The following ZFHX3 variants were observed in gnomAD, a reference collection of about 807,000 sequenced individuals.
ZFHX3 encodes the protein zinc finger homeobox protein 3.
ZFHX3 carries 42 observed loss-of-function variants against 279.1 expected under a neutral mutation model. The ratio of observed to expected loss-of-function variants is 0.15; its 90% confidence interval spans 0.12 to 0.19. The LOEUF is 0.19. Ranked by LOEUF, ZFHX3 falls within the 10% of genes least tolerant of loss-of-function variation. The probability of loss-of-function intolerance (pLI) is 1.00; values close to 1 mark genes in which losing one functional copy is unlikely to be tolerated. For missense variants in ZFHX3, 4,981 were observed against 4,754.0 expected (o/e 1.05, Z -1.40); for synonymous variants, 2,293 against 1,957.8 (o/e 1.17, Z -4.52).
chr16:73,616,352 G>C (rs1455511544), intron 2 of ZFHX3, among the ~76,000 whole-genome samples: 2 of 147,016 alleles, frequency 1.4e-5, no homozygotes, highest in Admixed American at 6.9e-5. Context: ...ATTGGCTGAA[G>C]TCTGTGTCAA....
At chr16:73,222,648 A>G (rs1267061746) in intron 5 of ZFHX3, among the ~76,000 whole-genome samples, 1 of 152,116 alleles carries the variant, frequency 6.6e-6, no homozygotes, top group Non-Finnish European at 1.5e-5. Flanking sequence ...TCTTCCCAAC[A>G]TGATTTATAG....
At chr16:73,387,365 A>G (rs1192392939) in intron 3 of ZFHX3, 19 of 152,166 alleles carry the variant, frequency 1.2e-4, no homozygotes, top group Non-Finnish European at 1.3e-4. Flanking sequence ...AAAAATAACA[A>G]ATAATGTTCT....
At chr16:73,432,410 A>G (rs541900889) in intron 3 of ZFHX3, among the ~76,000 whole-genome samples, 116 of 152,098 alleles carry the variant, frequency 7.6e-4, no homozygotes, top group Admixed American at 3.1e-3. Context: ...TTGGAGTGAG[A>G]CTCTTTGACA....
At chr16:72,895,216 C>T (rs1330799034) in intron 3 of ZFHX3, among the ~76,000 whole-genome samples, 1 of 152,192 alleles carries the variant, frequency 6.6e-6, no homozygotes, top group Admixed American at 6.5e-5. Flanking sequence ...TCAGCAGCAA[C>T]TCTAAGAAAA....
At chr16:72,810,702 C>CA (rs1230602021) in intron 7 of ZFHX3, among the ~76,000 whole-genome samples, 1 of 152,122 alleles carries the variant, frequency 6.6e-6, no homozygotes, top group East Asian at 1.9e-4. Flanking sequence ...CAGCAATATC[C>CA]AGCTCACCAT....
intron 4 of ZFHX3, among the ~76,000 whole-genome samples, chr16:72,841,740 C>T (rs1446115755): frequency 6.6e-6 from 1 of 152,206 alleles, no homozygotes; most frequent in African/African-American, 2.4e-5. Flanking sequence ...AGGTGTTTCT[C>T]AGACCTAAGA....
At chr16:73,016,984 G>C (rs895231734) in intron 1 of ZFHX3, among the ~76,000 whole-genome samples, 31 of 152,090 alleles carry the variant, frequency 2.0e-4, no homozygotes, top group African/African-American at 6.5e-4. Flanking sequence ...CCAGCACTTT[G>C]GGAGGCCAAG....
intron 5 of ZFHX3, among the ~76,000 whole-genome samples, chr16:73,174,996 C>G (rs573843961): frequency 9.9e-5 from 15 of 151,874 alleles, no homozygotes; most frequent in Non-Finnish European, 2.1e-4. Context: ...CCACTGCACT[C>G]CAGCCTGGGT....
At chr16:73,684,632 C>G (rs2053059882) in intron 1 of ZFHX3, among the ~76,000 whole-genome samples, 1 of 151,738 alleles carries the variant, frequency 6.6e-6, no homozygotes, top group Non-Finnish European at 1.5e-5. Flanking sequence ...TGCAAATCAG[C>G]TGACCTCAAA....
intron 3 of ZFHX3, among the ~76,000 whole-genome samples, chr16:73,418,088 C>T (rs1198288729): frequency 6.6e-6 from 1 of 151,862 alleles, no homozygotes; most frequent in Non-Finnish European, 1.5e-5. Flanking sequence ...AGCAGCTGAC[C>T]ATTCCTTCTA....
chr16:73,611,678 C>A (rs1289068102), intron 2 of ZFHX3, among the ~76,000 whole-genome samples: 1 of 152,162 alleles, frequency 6.6e-6, no homozygotes, highest in Non-Finnish European at 1.5e-5. Flanking sequence ...CAAACAAAGT[C>A]AGGATTCTCA....
intron 3 of ZFHX3, among the ~76,000 whole-genome samples, chr16:73,391,292 G>A (rs1033208394): frequency 2.6e-5 from 4 of 152,110 alleles, no homozygotes; most frequent in Middle Eastern, 6.8e-3. Context: ...GTGAAACCCC[G>A]TGTCTACTAA....
intron 1 of ZFHX3, among the ~76,000 whole-genome samples, chr16:73,029,463 G>A (rs1476924756): frequency 6.6e-6 from 1 of 152,190 alleles, no homozygotes; most frequent in African/African-American, 2.4e-5. Context: ...CCTCAGGACT[G>A]GATATTTTAT....
At chr16:73,114,112 T>TG (rs770785347) in intron 7 of ZFHX3, among the ~76,000 whole-genome samples, 14 of 151,408 alleles carry the variant, frequency 9.2e-5, no homozygotes, top group Non-Finnish European at 1.9e-4. Context: ...TTTTAAGAGA[T>TG]GGGGGTCTCA....
chr16:72,888,521 C>T (rs1389597889), intron 4 of ZFHX3, among the ~76,000 whole-genome samples: 1 of 152,162 alleles, frequency 6.6e-6, no homozygotes, highest in Non-Finnish European at 1.5e-5. Context: ...GGCTGGGAGC[C>T]GAGGACCAGG....
At chr16:72,962,471 C>G (rs934710903) in intron 1 of ZFHX3, among the ~76,000 whole-genome samples, 3 of 152,194 alleles carry the variant, frequency 2.0e-5, no homozygotes, top group Middle Eastern at 3.2e-3. Context: ...TAGAGCCCAC[C>G]CATTCACGGG....
chr16:73,566,191 A>G (rs957945906), intron 2 of ZFHX3, among the ~76,000 whole-genome samples: 4 of 152,238 alleles, frequency 2.6e-5, no homozygotes, highest in Admixed American at 2.0e-4. Context: ...CAGTGCCTTC[A>G]TAGCCATGTG....
At chr16:73,839,406 G>T (rs1336547696) in intron 1 of ZFHX3, among the ~76,000 whole-genome samples, 1 of 143,452 alleles carries the variant, frequency 7.0e-6, no homozygotes, top group South Asian at 2.2e-4. Flanking sequence ...TTATGCTTTG[G>T]AGTATTTGGT....
chr16:73,160,977 G>A (rs971559321), intron 5 of ZFHX3, among the ~76,000 whole-genome samples: 1 of 151,858 alleles, frequency 6.6e-6, no homozygotes, highest in Non-Finnish European at 1.5e-5. Flanking sequence ...TGATAGCTAA[G>A]GTGACACAAG....
Sources: allele counts gnomAD v4.1 joint callset (sites outside exome capture counted in the v4.1 genomes callset), GRCh38; gene constraint gnomAD v4.1.1; transcripts MANE v1.5; gene names NCBI Gene and HGNC (gene_info 2026-07-23, HGNC 2026-07-21).